The following CAST variants were observed in gnomAD, a reference collection of about 807,000 sequenced individuals.
CAST encodes calpastatin, also known as MIR583 host.
CAST carries 76 observed loss-of-function variants against 119.6 expected under a neutral mutation model. The ratio of observed to expected loss-of-function variants is 0.64; its 90% CI spans 0.53 to 0.77. The LOEUF (loss-of-function observed/expected upper bound fraction) is 0.77, where lower values mean the gene tolerates loss of function less well. Ranked by LOEUF, CAST falls within the 30% of genes least tolerant of loss-of-function variation. The pLI, the probability that CAST is intolerant of heterozygous loss-of-function variation, is 0.00. For missense variants in CAST, 953 were observed against 946.5 expected, an observed-to-expected ratio of 1.01 and a Z score of -0.09; for synonymous variants, 319 against 331.6, an observed-to-expected ratio of 0.96 and a Z score of 0.41.
the CAST span, among the ~76,000 whole-genome samples, chr5:96,514,184 AT>A: frequency 6.6e-6 from 1 of 152,248 alleles, no homozygotes; most frequent in African/African-American, 2.4e-5. Flanking sequence ...TTCAACGCAT[AT>A]TTTTAGGGGC....
the CAST span, among the ~76,000 whole-genome samples, chr5:96,407,360 T>C: frequency 6.6e-6 from 1 of 152,162 alleles, no homozygotes; most frequent in Non-Finnish European, 1.5e-5. Context: ...TTGAGCTTCA[T>C]TAGTAATTAA....
chr5:96,619,539 A>G (rs570773272), intron 1 of CAST, among the ~76,000 whole-genome samples: 6 of 152,238 alleles, frequency 3.9e-5, no homozygotes, highest in Non-Finnish European at 7.3e-5. Context: ...ACAGTGTGGT[A>G]GCTTTGTTCT....
At chr5:96,703,411 C>G (rs753719078) in intron 3 of CAST, among the ~76,000 whole-genome samples, 2 of 152,216 alleles carry the variant, frequency 1.3e-5, no homozygotes, top group Non-Finnish European at 2.9e-5. Context: ...CTGATACATG[C>G]TGGGTGTGGC....
the CAST span, among the ~76,000 whole-genome samples, chr5:95,971,471 A>G: frequency 6.6e-6 from 1 of 152,212 alleles, no homozygotes; most frequent in Non-Finnish European, 1.5e-5. Context: ...CCTTTTTAAA[A>G]TGTATTTTTA....
chr5:96,261,542 A>C, the CAST span, among the ~76,000 whole-genome samples: 1 of 152,222 alleles, frequency 6.6e-6, no homozygotes, highest in African/African-American at 2.4e-5. Flanking sequence ...CAGGATTTAC[A>C]GTAAGTACTT....
At chr5:96,720,641 T>C (rs1046254614) in intron 3 of CAST, among the ~76,000 whole-genome samples, 3 of 152,252 alleles carry the variant, frequency 2.0e-5, no homozygotes, top group African/African-American at 7.2e-5. Flanking sequence ...CCCTGCGCCA[T>C]TGCTGATTTT....
chr5:96,171,595 G>A, the CAST span, among the ~76,000 whole-genome samples: 82 of 152,314 alleles, frequency 5.4e-4, 1 homozygote, highest in South Asian at 0.015. Flanking sequence ...AAACACCAAG[G>A]GAAGACTGTC....
the CAST span, among the ~76,000 whole-genome samples, chr5:95,996,024 C>T: frequency 2.0e-5 from 3 of 152,102 alleles, no homozygotes; most frequent in Non-Finnish European, 4.4e-5. Context: ...TTTCACAGTT[C>T]CCTGCATTAT....
At chr5:96,361,298 A>G in the CAST span, among the ~76,000 whole-genome samples, 4 of 152,100 alleles carry the variant, frequency 2.6e-5, no homozygotes, top group Non-Finnish European at 4.4e-5. Flanking sequence ...GAACTAGACC[A>G]GTTGGTTCCC....
the CAST span, among the ~76,000 whole-genome samples, chr5:96,125,342 C>T: frequency 2.0e-5 from 3 of 152,220 alleles, no homozygotes; most frequent in Admixed American, 2.0e-4. Flanking sequence ...ATATGAATAA[C>T]TGTAACTTCT....
chr5:96,271,315 A>G, the CAST span, among the ~76,000 whole-genome samples: 1 of 152,224 alleles, frequency 6.6e-6, no homozygotes, highest in Non-Finnish European at 1.5e-5. Flanking sequence ...TAAAAAGAAC[A>G]AAGCTGTAGG....
chr5:96,334,873 A>G, the CAST span, among the ~76,000 whole-genome samples: 1 of 152,182 alleles, frequency 6.6e-6, no homozygotes, highest in Non-Finnish European at 1.5e-5. Context: ...CAAAAATGAT[A>G]TCTAAATTCA....
upstream of CAST, among the ~76,000 whole-genome samples, chr5:96,522,223 AC>A (rs1473162051): frequency 3.9e-5 from 6 of 152,168 alleles, no homozygotes; most frequent in Non-Finnish European, 7.4e-5. Context: ...CGGATTGGGT[AC>A]TTTTATTGTC....
the CAST span, chr5:96,397,367 A>G: frequency 1.2e-5 from 20 of 1,612,770 alleles, no homozygotes; most frequent in Non-Finnish European, 1.4e-5. Context: ...CCAAGTACCT[A>G]TAGGGTTCTC....
the CAST span, among the ~76,000 whole-genome samples, chr5:95,987,113 G>A: frequency 6.6e-6 from 1 of 151,920 alleles, no homozygotes; most frequent in African/African-American, 2.4e-5. Context: ...CCTGACCTTC[G>A]GACCCTTGCT....
chr5:96,478,022 C>T, the CAST span, among the ~76,000 whole-genome samples: 1 of 152,152 alleles, frequency 6.6e-6, no homozygotes, highest in East Asian at 1.9e-4. Context: ...TAAGCATTTC[C>T]TTTTAAGCAG....
chr5:96,663,137 A>G (rs1160770832), intron 1 of CAST: 2 of 702,486 alleles, frequency 2.8e-6, no homozygotes, highest in Non-Finnish European at 5.2e-6. Flanking sequence ...GGTTGTTGCC[A>G]TGGCATTCGC....
At chr5:96,331,406 G>T in the CAST span, among the ~76,000 whole-genome samples, 18 of 152,158 alleles carry the variant, frequency 1.2e-4, no homozygotes, top group African/African-American at 4.1e-4. Context: ...TTATGCAACC[G>T]GGAAACACAG....
At chr5:96,565,077 G>GGTGTGTGTGTGTGTGTGTGTGTGT (rs61240765) in intron 1 of CAST, among the ~76,000 whole-genome samples, 1 of 148,642 alleles carries the variant, frequency 6.7e-6, no homozygotes, top group Non-Finnish European at 1.5e-5. Flanking sequence ...ACATGGGAAA[G>GGTGTGTGTGTGTGTGTGTGTGTGT]GTGTGTGTGT....
Sources: gnomAD v4.1 joint callset for allele counts (sites outside exome capture counted in the v4.1 genomes callset) on GRCh38, gnomAD v4.1.1 for gene constraint, MANE v1.5 for transcripts, NCBI Gene and HGNC (gene_info 2026-07-23, HGNC 2026-07-21) for gene names.